NELL1: variants seen among roughly 807,000 people sequenced by gnomAD.
The protein encoded by NELL1 is protein kinase C-binding protein NELL1.
A neutral mutation model predicts 107.4 loss-of-function variants in NELL1; 76 were observed. The ratio of observed to expected loss-of-function variants is 0.71; its 90% CI spans 0.59 to 0.86. The LOEUF is 0.86. NELL1 is among the 40% of genes least tolerant of loss of function. The probability of loss-of-function intolerance (pLI) is 0.00; values close to 1 mark genes in which losing one functional copy is unlikely to be tolerated. For missense variants in NELL1, 1,024 were observed against 1,005.5 expected (o/e 1.02, Z -0.25); for synonymous variants, 353 against 341.2 (o/e 1.03, Z -0.38).
chr11:20,753,809 C>T (rs1335919618), intron 2 of NELL1, among the ~76,000 whole-genome samples: 2 of 152,150 alleles, frequency 1.3e-5, no homozygotes, highest in East Asian at 1.9e-4. Context: ...CAGGCTGTCC[C>T]CATAGGAGCA....
At chr11:21,202,378 A>G (rs1857289546) in intron 13 of NELL1, among the ~76,000 whole-genome samples, 1 of 152,134 alleles carries the variant, frequency 6.6e-6, no homozygotes, top group African/African-American at 2.4e-5. Context: ...CCAGGAATTT[A>G]TCTATTTCTT....
chr11:21,156,486 G>A lies in NELL1; in HGVS notation c.1426+42772G>A, dbSNP rs531692454. On this transcript the variant is annotated intron_variant, in intron 13 of 19. Coordinates refer to ENST00000357134, the MANE Select transcript of NELL1 (RefSeq NM_006157.5). ...AGAAACAAGGAAAAAGGAGATGAGA[G>A]AGGAGTCTGTAGTTTGAAGAGCAGG... Among the ~76,000 whole-genome samples, 188 of 152,130 alleles carry A rather than the reference G, an allele frequency of 1.2e-3. 1 individual carries two copies. The highest frequency in any genetic ancestry group is 2.3e-3 in the East Asian group (12 of 5,150).
intron 2 of NELL1, among the ~76,000 whole-genome samples, chr11:20,777,214 T>G (rs770841512): frequency 5.3e-5 from 8 of 152,216 alleles, no homozygotes; most frequent in Non-Finnish European, 1.2e-4. Context: ...TTAAATTCTG[T>G]AAGCTTTAGT....
At chr11:21,105,861 TC>T (rs374292617) in intron 12 of NELL1, among the ~76,000 whole-genome samples, 31,868 of 33,560 alleles carry the variant, frequency 0.95, 15,147 homozygotes, top group Middle Eastern at 0.96. Flanking sequence ...CTCTCTCCCC[TC>T]CCCCTCCCCT....
chr11:21,127,118 A>T (rs1855503422), intron 13 of NELL1, among the ~76,000 whole-genome samples: 1 of 152,146 alleles, frequency 6.6e-6, no homozygotes, highest in African/African-American at 2.4e-5. Flanking sequence ...TCAAGAGAAG[A>T]CTGGTCTAGG....
intron 12 of NELL1, among the ~76,000 whole-genome samples, chr11:21,052,615 G>A (rs1197255407): frequency 2.0e-5 from 3 of 152,190 alleles, no homozygotes; most frequent in South Asian, 4.1e-4. Context: ...CAGCTGTGCT[G>A]TGAAGGAAAT....
intron 14 of NELL1, among the ~76,000 whole-genome samples, chr11:21,252,411 G>A (rs1309639548): frequency 6.6e-6 from 1 of 152,092 alleles, no homozygotes; most frequent in Non-Finnish European, 1.5e-5. Flanking sequence ...GGATCCAGAA[G>A]CACAGACCAG....
intron 12 of NELL1, among the ~76,000 whole-genome samples, chr11:20,969,994 C>T (rs1851462817): frequency 6.6e-6 from 1 of 151,942 alleles, no homozygotes; most frequent in Non-Finnish European, 1.5e-5. Context: ...TGTTCTAGAA[C>T]ACTAGAACAC....
intron 2 of NELL1, among the ~76,000 whole-genome samples, chr11:20,774,268 C>A (rs1856704357): frequency 7.2e-6 from 1 of 137,974 alleles, no homozygotes; most frequent in Non-Finnish European, 1.6e-5. Context: ...CTTCTCTTCT[C>A]TCCTTCCTTT....
chr11:20,780,914 G>C (rs1856838128), intron 2 of NELL1, among the ~76,000 whole-genome samples: 1 of 152,208 alleles, frequency 6.6e-6, no homozygotes, highest in African/African-American at 2.4e-5. Flanking sequence ...ATCAGTTTGT[G>C]TGCAACTTTG....
intron 3 of NELL1, among the ~76,000 whole-genome samples, chr11:20,795,239 T>C (rs1857147442): frequency 6.6e-6 from 1 of 152,150 alleles, no homozygotes. Flanking sequence ...ACTGAGCCAA[T>C]TGAGTTCCCA....
Position 20,965,003 on chromosome 11 carries a change from C to A in NELL1, c.1300+4443C>A, listed in dbSNP as rs747354295. Among the ~76,000 whole-genome samples, 5 of 151,996 alleles carry A rather than the reference C, an allele frequency of 3.3e-5. No homozygotes were observed. In the East Asian group the frequency reaches 9.6e-4, roughly 29 times the overall value. ...GGGTGGGGAGTTATGCTACCTTGTG[C>A]GTAATAGCGTAAGCCTACGATATGT... On this transcript the variant is annotated intron_variant, in intron 12 of 19. Transcript: ENST00000357134.
intron 5 of NELL1, among the ~76,000 whole-genome samples, chr11:20,892,518 A>G (rs150423578): frequency 1.0e-3 from 157 of 152,370 alleles, no homozygotes; most frequent in African/African-American, 3.5e-3. Flanking sequence ...TGTGGACGAT[A>G]GTATGGTGAT....
intron 15 of NELL1, among the ~76,000 whole-genome samples, chr11:21,422,093 ATATG>A (rs766343221): frequency 0.016 from 1,456 of 90,750 alleles, 25 homozygotes; most frequent in African/African-American, 0.046. Flanking sequence ...ACATTTACAC[ATATG>A]TGTGTGTGTG....
At chr11:20,978,859 C>G (rs888926131) in intron 12 of NELL1, among the ~76,000 whole-genome samples, 1 of 152,116 alleles carries the variant, frequency 6.6e-6, no homozygotes, top group Non-Finnish European at 1.5e-5. Context: ...TGCTCTAGGT[C>G]TCCTCTCTTT....
At chr11:21,296,174 C>T (rs1849371017) in intron 14 of NELL1, among the ~76,000 whole-genome samples, 1 of 151,942 alleles carries the variant, frequency 6.6e-6, no homozygotes, top group African/African-American at 2.4e-5. Context: ...TAAATGTTCT[C>T]ATAATACCGG....
Position 20,669,593 on chromosome 11 carries a change from G to A in NELL1, c.-131G>A. The A allele has an allele frequency of 4.4e-6, 3 of 687,798 alleles. No homozygotes were observed. The highest frequency in any genetic ancestry group is 7.5e-6 in the Non-Finnish European group (3 of 400,582). 42.6% of individuals were successfully genotyped at this position (687,798 alleles called of 1,614,324 possible). A position where few individuals can be genotyped will look rare whatever the true frequency, so the allele number is the denominator to read the frequency against. On this transcript the variant is annotated 5_prime_UTR_variant, in exon 1 of 20. Transcript: ENST00000357134. This position sits in a 1 kb window ranked among gnomAD's most constrained non-coding sequence, Gnocchi z 4.4. Reference sequence around the variant, plus strand: ...CGCATATGCGAGCGCAGCACCCGGCGCTGCCGAGCCACCTCCCCCGCCGCC... The same window carrying A: ...CGCATATGCGAGCGCAGCACCCGGCACTGCCGAGCCACCTCCCCCGCCGCC...
At chr11:20,800,950 TA>T (rs970785867) in intron 3 of NELL1, among the ~76,000 whole-genome samples, 4 of 151,932 alleles carry the variant, frequency 2.6e-5, no homozygotes, top group African/African-American at 9.7e-5. Flanking sequence ...CTTCCACAAT[TA>T]AAAAAAACAA....
intron 14 of NELL1, among the ~76,000 whole-genome samples, chr11:21,303,486 C>CATAAGGCTAA (rs1849542130): frequency 6.6e-6 from 1 of 151,962 alleles, no homozygotes; most frequent in African/African-American, 2.4e-5. Flanking sequence ...GGGTTTCCAT[C>CATAAGGCTAA]TGACTGTAGC....
Sources: allele counts gnomAD v4.1 joint callset (sites outside exome capture counted in the v4.1 genomes callset), GRCh38; gene constraint gnomAD v4.1.1; non-coding constraint Gnocchi (gnomAD v3.1); transcripts MANE v1.5; gene names NCBI Gene and HGNC (gene_info 2026-07-23, HGNC 2026-07-21).